The following SIPA1L3 variants were observed in gnomAD, a reference collection of about 807,000 sequenced individuals.
The protein encoded by SIPA1L3 is signal induced proliferation associated 1 like 3, also known as signal-induced proliferation-associated 1-like protein 3.
A neutral mutation model predicts 150.1 loss-of-function variants in SIPA1L3; 59 were observed. The ratio of observed to expected loss-of-function variants is 0.39; its 90% CI spans 0.32 to 0.49. The LOEUF is 0.49. Ranked by LOEUF, SIPA1L3 falls within the 20% of genes least tolerant of loss-of-function variation. The pLI is 0.86. For missense variants in SIPA1L3, 2,211 were observed against 2,489.5 expected (o/e 0.89, Z 2.38); for synonymous variants, 1,070 against 1,077.6 (o/e 0.99, Z 0.14).
chr19:37,957,677 C>CT (rs1374904143), intron 1 of SIPA1L3, among the ~76,000 whole-genome samples: 4 of 151,854 alleles, frequency 2.6e-5, no homozygotes, highest in Non-Finnish European at 5.9e-5. Context: ...ATAGCTAGGA[C>CT]TATAGGCACA....
At chr19:38,182,362 C>T (rs892177848) in intron 15 of SIPA1L3, among the ~76,000 whole-genome samples, 157 bp from the exon 16 acceptor site, 5 of 152,062 alleles carry the variant, frequency 3.3e-5, no homozygotes, top group African/African-American at 7.2e-5. Context: ...TACAGATAGG[C>T]GTCTATACTG....
chr19:37,953,141 G>T (rs1343329499), intron 1 of SIPA1L3, among the ~76,000 whole-genome samples: 1 of 152,180 alleles, frequency 6.6e-6, no homozygotes, highest in African/African-American at 2.4e-5. Context: ...GGAGAATGGC[G>T]TGAACCCGCA....
chr19:37,979,198 C>T (rs906118966), intron 1 of SIPA1L3, among the ~76,000 whole-genome samples: 2 of 151,932 alleles, frequency 1.3e-5, no homozygotes, highest in Non-Finnish European at 2.9e-5. Context: ...ATGGGTTTTA[C>T]GTTTTTAAAA....
At chr19:38,033,696 T>C (rs1242277912) in intron 2 of SIPA1L3, among the ~76,000 whole-genome samples, 3 of 151,342 alleles carry the variant, frequency 2.0e-5, no homozygotes, top group South Asian at 4.2e-4. Context: ...TGTGTGTGTG[T>C]GTGCGTGTAT....
chr19:38,190,006 G>C (rs1972771511), intron 16 of SIPA1L3, among the ~76,000 whole-genome samples: 1 of 152,160 alleles, frequency 6.6e-6, no homozygotes, highest in African/African-American at 2.4e-5. Context: ...TCCTGGCTGG[G>C]GGCTGCTGTC....
intron 2 of SIPA1L3, among the ~76,000 whole-genome samples, chr19:38,065,583 A>ATT (rs34634559): frequency 1.3e-5 from 2 of 148,558 alleles, no homozygotes; most frequent in African/African-American, 4.9e-5. Context: ...CACCTAGCTA[A>ATT]TTTTTTTTTT....
rs571727280 is a variant in SIPA1L3, at chr19:38,205,500, G to A, written c.5203-597G>A. ...AATGAGGAGGAGACTTTTATCTATT[G>A]TTTCTATACTTCTGGGTAAAAGCCA... On this transcript the variant is annotated intron_variant, in intron 21 of 21. Coordinates refer to ENST00000222345, the MANE Select transcript of SIPA1L3 (RefSeq NM_015073.3). Among the ~76,000 whole-genome samples, 15 of 150,812 alleles carry A rather than the reference G, an allele frequency of 9.9e-5. 2 individuals carry two copies. In the South Asian group the frequency reaches 3.2e-3, roughly 32 times the overall value.
At chr19:38,147,778 C>T (rs1042247937) in intron 12 of SIPA1L3, among the ~76,000 whole-genome samples, 2 of 152,126 alleles carry the variant, frequency 1.3e-5, no homozygotes, top group Non-Finnish European at 2.9e-5. Flanking sequence ...CCAGCAACTC[C>T]TTGAGGTGGG....
At chr19:38,033,122 T>G (rs1359885694) in intron 2 of SIPA1L3, among the ~76,000 whole-genome samples, 1 of 152,220 alleles carries the variant, frequency 6.6e-6, no homozygotes, top group East Asian at 1.9e-4. Context: ...AAAGGAAATG[T>G]GTTCCCTCTC....
At chr19:38,140,612 G>A (rs142115288) in intron 10 of SIPA1L3, among the ~76,000 whole-genome samples, 3,157 of 152,230 alleles carry the variant, frequency 0.021, 59 homozygotes, top group South Asian at 0.034. Context: ...AGCGAGGGGC[G>A]GGAACAGAGA....
intron 2 of SIPA1L3, among the ~76,000 whole-genome samples, chr19:38,032,576 C>T (rs1599930758): frequency 6.6e-6 from 1 of 152,204 alleles, no homozygotes; most frequent in East Asian, 1.9e-4. Flanking sequence ...TGGTGGCTCA[C>T]ACCTGTAATC....
At chr19:38,011,410 A>G (rs1968094130) in intron 1 of SIPA1L3, among the ~76,000 whole-genome samples, 1 of 152,236 alleles carries the variant, frequency 6.6e-6, no homozygotes, top group South Asian at 2.1e-4. Flanking sequence ...CCGGAGGTCC[A>G]GGCTGCAGTG....
intron 4 of SIPA1L3, among the ~76,000 whole-genome samples, chr19:38,089,983 G>A (rs888325329): frequency 1.3e-5 from 2 of 152,062 alleles, no homozygotes; most frequent in African/African-American, 4.8e-5. Context: ...ACCATGTCAT[G>A]GGAACATGGA....
intron 1 of SIPA1L3, among the ~76,000 whole-genome samples, chr19:37,947,011 T>C (rs1254617423): frequency 6.6e-6 from 1 of 151,856 alleles, no homozygotes; most frequent in Non-Finnish European, 1.5e-5. Flanking sequence ...CTTGGCAACA[T>C]AGTGAGACCC....
intron 1 of SIPA1L3, among the ~76,000 whole-genome samples, chr19:38,005,805 T>G (rs890280410): frequency 1.3e-5 from 2 of 152,226 alleles, no homozygotes; most frequent in African/African-American, 4.8e-5. Flanking sequence ...CCTGGCACTG[T>G]GGGAGGCTGA....
chr19:37,925,302 C>T (rs919056839), intron 1 of SIPA1L3, among the ~76,000 whole-genome samples: 2 of 152,044 alleles, frequency 1.3e-5, no homozygotes, highest in Non-Finnish European at 2.9e-5. Flanking sequence ...CACATGACTG[C>T]GTTAAGGTGG....
intron 1 of SIPA1L3, among the ~76,000 whole-genome samples, chr19:38,019,543 G>A (rs188629486): frequency 6.6e-6 from 1 of 152,322 alleles, no homozygotes; most frequent in East Asian, 1.9e-4. Context: ...TCTTAGCTGA[G>A]CATCCTGAGA....
In SIPA1L3 at chr19:38,164,453, A is replaced by G. The variant is rs1972159721; in HGVS notation, c.3781-26A>G. 5 of 1,576,184 alleles carry G rather than the reference A, an allele frequency of 3.2e-6. No homozygotes were observed. The highest frequency in any genetic ancestry group is 4.3e-6 in the Non-Finnish European group (5 of 1,154,836). On this transcript the variant is annotated intron_variant, in intron 14 of 21. Coordinates refer to ENST00000222345, the MANE Select transcript of SIPA1L3 (RefSeq NM_015073.3). The surrounding 1 kb of genome is among the most constrained non-coding windows in gnomAD (Gnocchi z 4.1). ...ATGCGCCCCTGCCCTGGAGTCTGGG[A>G]ATGACACGCTTCTCTTGCCTCTCAG...
intron 5 of SIPA1L3, among the ~76,000 whole-genome samples, chr19:38,100,755 C>G (rs1208632638): frequency 6.6e-6 from 1 of 152,246 alleles, no homozygotes; most frequent in African/African-American, 2.4e-5. Context: ...GGGATGCCGG[C>G]CAAGGCAACA....
Sources: allele counts gnomAD v4.1 joint callset (sites outside exome capture counted in the v4.1 genomes callset), GRCh38; gene constraint gnomAD v4.1.1; non-coding constraint Gnocchi (gnomAD v3.1); transcripts MANE v1.5; gene names NCBI Gene and HGNC (gene_info 2026-07-23, HGNC 2026-07-21).